MYO1H: variants seen among roughly 807,000 people sequenced by gnomAD.
MYO1H encodes myosin IH, also known as unconventional myosin-Ih.
Under a neutral mutation model 149.3 loss-of-function variants are expected in MYO1H, and 118 were observed. That is an observed-to-expected ratio of 0.79 (90% confidence interval 0.68 to 0.92). MYO1H has a LOEUF of 0.92. Among genes scored for constraint, MYO1H ranks in the 40% least tolerant of loss-of-function variants. The pLI is 0.00. For missense variants in MYO1H, 1,212 were observed against 1,280.7 expected (o/e 0.95, Z 0.82); for synonymous variants, 447 against 465.2 (o/e 0.96, Z 0.50).
intron 17 of MYO1H, 69 bp from the exon 18 acceptor site, chr12:109,425,877 T>C: frequency 8.6e-7 from 1 of 1,167,076 alleles, no homozygotes; most frequent in Non-Finnish European, 1.3e-6. Flanking sequence ...TGGCCAGTCT[T>C]TTTGTATTCG....
At chr12:109,439,564 G>A (rs1872023077) in intron 23 of MYO1H, 67 bp from the exon 24 acceptor site, 2 of 1,501,372 alleles carry the variant, frequency 1.3e-6, no homozygotes, top group African/African-American at 1.4e-5. Context: ...ATCAAAGAAG[G>A]GGGAAGAGAA....
the MYO1H span, among the ~76,000 whole-genome samples, chr12:109,327,732 A>G: frequency 1.0e-5 from 1 of 98,856 alleles, no homozygotes; most frequent in East Asian, 2.7e-4. Context: ...AAAGAGCAAA[A>G]CTGTCTCAAA....
rs137995434 is a variant in MYO1H at position 109,415,471 on chromosome 12, A to G, written c.1503-55A>G. 8.2e-4 allele frequency: 1,239 copies of G among 1,509,288 alleles called. 12 individuals are homozygous for G. In the African/African-American group the frequency reaches 0.015, roughly 18 times the overall value. 93.5% of individuals were successfully genotyped at this position (1,509,288 alleles called of 1,614,324 possible). ...AGCTTGGGCAACAGAGCAAGACGCC[A>G]TCTCAAAAAAGAAAAGAAAAGAAAG... is the stretch of plus-strand genomic sequence containing the variant. On this transcript the variant is annotated intron_variant, in intron 14 of 31. Transcript: ENST00000310903.
intron 1 of MYO1H, among the ~76,000 whole-genome samples, chr12:109,378,187 C>T (rs927482360): frequency 8.5e-5 from 13 of 152,172 alleles, no homozygotes; most frequent in Admixed American, 6.5e-5. Flanking sequence ...GACATGTTTC[C>T]GTTTCTCTTG....
At chr12:109,429,216 A>AAACG (rs1871507394) in intron 19 of MYO1H, among the ~76,000 whole-genome samples, 2 of 152,036 alleles carry the variant, frequency 1.3e-5, no homozygotes, top group South Asian at 4.2e-4. Flanking sequence ...CAAAACAAAC[A>AAACG]AAAACTGGTG....
In MYO1H at chr12:109,447,042, C is replaced by CT; in HGVS notation, c.3094-115dup. On this transcript the variant is annotated intron_variant, in intron 31 of 31. Transcript: ENST00000310903. ...CTTGTCTCATGGGAGGTGGCACTGG[C>CT]TTCTCACAGGCCCTCCACACCCACC... 6 of 1,029,028 alleles carry CT rather than the reference C, an allele frequency of 5.8e-6. No individual in the cohort carries two copies. In the Middle Eastern group the frequency reaches 8.0e-4, roughly 136 times the overall value. The allele number at this position is 1,029,028 out of a possible 1,614,324, so 63.7% of individuals were successfully genotyped here. A position where few individuals can be genotyped will look rare whatever the true frequency, so the allele number is the denominator to read the frequency against.
chr12:109,310,842 A>C, the MYO1H span, among the ~76,000 whole-genome samples: 1 of 152,158 alleles, frequency 6.6e-6, no homozygotes, highest in Non-Finnish European at 1.5e-5. Flanking sequence ...TAGTTTACAG[A>C]TGTTAGTTGA....
intron 10 of MYO1H, among the ~76,000 whole-genome samples, chr12:109,408,231 G>T (rs183599494): frequency 1.4e-4 from 22 of 152,244 alleles, no homozygotes; most frequent in Admixed American, 1.4e-3. Flanking sequence ...CTGGGGTGCA[G>T]TGGTGCAATC....
At position 109,439,611 on chromosome 12, in the gene MYO1H, GA is replaced by G. The variant is rs1872025543; in HGVS notation, c.2295-16del. On this transcript the variant is annotated intron_variant, in intron 23 of 31. Transcript: ENST00000310903. ...GTGAAGAAATGGTCCAGAAAAGTAA[GA>G]AAACATTTTCCTTTTTAGGTTCATT... The G allele has an allele frequency of 6.3e-7, 1 of 1,599,072 alleles. No individual in the cohort carries two copies. Among genetic ancestry groups the G allele is most frequent in the East Asian group, 2.2e-5 (1 of 44,560 alleles).
chr12:109,378,777 G>A (rs560663540), intron 1 of MYO1H, among the ~76,000 whole-genome samples: 34 of 151,924 alleles, frequency 2.2e-4, no homozygotes, highest in African/African-American at 8.2e-4. Context: ...CATGGTGTGA[G>A]AGGAAGCAAG....
chr12:109,399,120 G>T (rs989812730), intron 5 of MYO1H, among the ~76,000 whole-genome samples: 1 of 152,202 alleles, frequency 6.6e-6, no homozygotes, highest in Non-Finnish European at 1.5e-5. Context: ...CCAGAGGCTG[G>T]GATGTGGGCC....
exon 2 of MYO1H, chr12:109,388,841 A>G (rs753794839): frequency 1.9e-6 from 3 of 1,605,668 alleles, no homozygotes; most frequent in Non-Finnish European, 2.6e-6. Flanking sequence ...AGAACCTCAT[A>G]TACGTAACGT....
chr12:109,412,395 C>T (rs764017203), intron 14 of MYO1H, among the ~76,000 whole-genome samples: 1 of 152,098 alleles, frequency 6.6e-6, no homozygotes, highest in Non-Finnish European at 1.5e-5. Context: ...TGGCTTCAAG[C>T]GATCCACCCA....
chr12:109,359,454 A>T (rs573771805), intron 1 of MYO1H: 1 of 152,256 alleles, frequency 6.6e-6, no homozygotes, highest in East Asian at 1.9e-4. Context: ...GTGTCAAAGT[A>T]GGCAGGGGGG....
chr12:109,419,754 A>T (rs1871089348), intron 15 of MYO1H, among the ~76,000 whole-genome samples: 1 of 151,546 alleles, frequency 6.6e-6, no homozygotes, highest in South Asian at 2.1e-4. Context: ...CTAGTCTCAG[A>T]CTCACTATGT....
At chr12:109,327,298 A>AT in the MYO1H span, among the ~76,000 whole-genome samples, 10 of 149,782 alleles carry the variant, frequency 6.7e-5, no homozygotes, top group East Asian at 2.0e-4. Flanking sequence ...TGCCTGGCTA[A>AT]TTTTTTTTGT....
intron 15 of MYO1H, among the ~76,000 whole-genome samples, chr12:109,418,374 G>A (rs541535604): frequency 1.3e-5 from 2 of 151,660 alleles, no homozygotes; most frequent in East Asian, 3.9e-4. Flanking sequence ...TTTGAGACAA[G>A]GTCTTGCTTC....
intron 1 of MYO1H, among the ~76,000 whole-genome samples, chr12:109,387,220 C>A (rs1248481931): frequency 1.3e-5 from 2 of 152,100 alleles, no homozygotes. Context: ...TGTGAGCCAC[C>A]ACACACAACT....
At chr12:109,415,501 A>C (rs4766598) in intron 14 of MYO1H, 25 bp from the exon 15 acceptor site, 2 of 1,570,950 alleles carry the variant, frequency 1.3e-6, no homozygotes, top group East Asian at 4.7e-5. Context: ...AGAAAGTTCA[A>C]CTCGTGTCTA....
Sources: gnomAD v4.1 joint callset for allele counts (sites outside exome capture counted in the v4.1 genomes callset) on GRCh38, gnomAD v4.1.1 for gene constraint, MANE v1.5 for transcripts, NCBI Gene and HGNC (gene_info 2026-07-23, HGNC 2026-07-21) for gene names.